Variants in FNBP1L observed in about 807,000 individuals in gnomAD.
FNBP1L encodes the protein formin-binding protein 1-like.
FNBP1L carries 36 observed loss-of-function variants against 91.2 expected under a neutral mutation model. That is an observed-to-expected ratio of 0.39 (90% CI 0.30 to 0.52). The LOEUF is 0.52. FNBP1L is among the 20% of genes least tolerant of loss of function. The pLI is 0.66. For synonymous variants in FNBP1L, 242 were observed against 237.0 expected, an observed-to-expected ratio of 1.02 and a Z score of -0.19; for missense variants, 571 against 732.1, an observed-to-expected ratio of 0.78 and a Z score of 2.54.
intron 1 of FNBP1L, among the ~76,000 whole-genome samples, chr1:93,452,232 A>G (rs997826344): frequency 1.3e-5 from 2 of 152,232 alleles, no homozygotes; most frequent in Non-Finnish European, 1.5e-5. Context: ...GCCCAATTGC[A>G]TTAATAGTTG....
intron 10 of FNBP1L, 133 bp downstream of exon 10, chr1:93,536,623 G>A: frequency 1.3e-6 from 1 of 773,382 alleles, no homozygotes; most frequent in Non-Finnish European, 1.8e-6. Context: ...ATTAAGAATA[G>A]CTGCCCTCAA....
chr1:93,541,201 T>C, intron 11 of FNBP1L, 145 bp downstream of exon 11: 1 of 713,812 alleles, frequency 1.4e-6, no homozygotes. Context: ...TAGTCCAGCA[T>C]ATGCCAGTAC....
chr1:93,448,205 G>T lies in FNBP1L; in HGVS notation c.-77G>T. Reference sequence around the variant, plus strand: ...CTGAGCTGCTAGCCCGCCGGCCAGCGAGTGAGAGGTCGGACAGACTGTGGA... The same window carrying T: ...CTGAGCTGCTAGCCCGCCGGCCAGCTAGTGAGAGGTCGGACAGACTGTGGA... On this transcript the variant is annotated 5_prime_UTR_variant, in exon 1 of 17. Coordinates refer to ENST00000271234, the MANE Select transcript of FNBP1L (RefSeq NM_001164473.3). 1 of 1,504,762 alleles carries T rather than the reference G, an allele frequency of 6.6e-7. No individual in the cohort carries two copies. Among genetic ancestry groups the T allele is most frequent in the Non-Finnish European group, 8.9e-7 (1 of 1,123,258 alleles). 93.2% of individuals were successfully genotyped at this position (1,504,762 alleles called of 1,614,324 possible).
intron 1 of FNBP1L, among the ~76,000 whole-genome samples, chr1:93,457,078 G>A (rs1322016345): frequency 2.0e-5 from 3 of 152,020 alleles, no homozygotes; most frequent in Non-Finnish European, 4.4e-5. Context: ...TGTAGAGATA[G>A]CGTTTAGCCA....
intron 2 of FNBP1L, among the ~76,000 whole-genome samples, chr1:93,514,707 C>G (rs1324712234): frequency 6.6e-6 from 1 of 151,788 alleles, no homozygotes; most frequent in Non-Finnish European, 1.5e-5. Context: ...GGAAAACTGG[C>G]TAGCCATATG....
chr1:93,500,177 A>G (rs1339019605), intron 2 of FNBP1L, among the ~76,000 whole-genome samples: 3 of 152,196 alleles, frequency 2.0e-5, no homozygotes, highest in East Asian at 1.9e-4. Context: ...AGACACCAGT[A>G]TAAAGTTTTA....
intron 14 of FNBP1L, among the ~76,000 whole-genome samples, chr1:93,547,906 C>A (rs368118271): frequency 6.6e-6 from 1 of 152,078 alleles, no homozygotes; most frequent in Non-Finnish European, 1.5e-5. Flanking sequence ...TGTATTATAT[C>A]TTTTTTTCCA....
At chr1:93,524,233 T>A (rs1228010862) in intron 4 of FNBP1L, 28 bp from the exon 5 acceptor site, 1 of 1,440,726 alleles carries the variant, frequency 6.9e-7, no homozygotes, top group Non-Finnish European at 9.1e-7. Flanking sequence ...TTATTTTTAT[T>A]TTTTTTGGCC....
chr1:93,521,449 A>T (rs980276014), intron 2 of FNBP1L, among the ~76,000 whole-genome samples: 1 of 152,178 alleles, frequency 6.6e-6, no homozygotes, highest in Non-Finnish European at 1.5e-5. Context: ...GCCCTGACTC[A>T]GTTTCACATA....
chr1:93,516,237 C>T (rs1323560941), intron 2 of FNBP1L, among the ~76,000 whole-genome samples: 2 of 152,108 alleles, frequency 1.3e-5, no homozygotes, highest in East Asian at 3.9e-4. Context: ...CTGTGGCTGG[C>T]AGTATCTACT....
At chr1:93,526,536 C>CAGAGGAA (rs1671500450) in intron 5 of FNBP1L, among the ~76,000 whole-genome samples, 1 of 152,108 alleles carries the variant, frequency 6.6e-6, no homozygotes, top group Admixed American at 6.5e-5. Flanking sequence ...AACAAATTTC[C>CAGAGGAA]TCTGGATGCC....
intron 1 of FNBP1L, among the ~76,000 whole-genome samples, chr1:93,470,463 A>T (rs1669246389): frequency 6.6e-6 from 1 of 152,160 alleles, no homozygotes; most frequent in Non-Finnish European, 1.5e-5. Context: ...TTTTCCACTA[A>T]TTGGCTCTCC....
chr1:93,535,970 G>A (rs1418653682), intron 9 of FNBP1L, among the ~76,000 whole-genome samples: 3 of 151,914 alleles, frequency 2.0e-5, no homozygotes, highest in Admixed American at 6.6e-5. Flanking sequence ...ATAACTTTAG[G>A]TGTAGCTGCC....
In FNBP1L at chr1:93,505,313, C is replaced by G. The variant is rs572230284; in HGVS notation, c.140+5730C>G. 5.9e-5 allele frequency among the ~76,000 whole-genome samples: 9 copies of G among 152,130 alleles called. No individual in the cohort carries two copies. The South Asian group carries it at 1.5e-3, about 25-fold the overall frequency. On this transcript the variant is annotated intron_variant, in intron 2 of 16. Coordinates refer to ENST00000271234, the MANE Select transcript of FNBP1L (RefSeq NM_001164473.3). Reference sequence around the variant, plus strand: ...TTACTTCCTGCAGAAAGGGTACACTCGTGCCACAAGAGTACACCGAACAAA... The same window carrying G: ...TTACTTCCTGCAGAAAGGGTACACTGGTGCCACAAGAGTACACCGAACAAA...
In FNBP1L at chr1:93,454,673, C is replaced by T. The variant is rs114267606; in HGVS notation, c.24+6368C>T. Among the ~76,000 whole-genome samples, 1,141 of 151,918 alleles carry T rather than the reference C, an allele frequency of 7.5e-3. 11 individuals carry two copies. Among genetic ancestry groups the T allele is most frequent in the African/African-American group, 0.026 (1,070 of 41,444 alleles). On this transcript the variant is annotated intron_variant, in intron 1 of 16. Transcript: ENST00000271234. ...TATCTGTGACTGTATACTGTAGGCC[C>T]TCCATATCATTTGATTTCCACGTCT...
intron 1 of FNBP1L, among the ~76,000 whole-genome samples, chr1:93,489,874 GAAAAGTC>G (rs1670039825): frequency 6.6e-6 from 1 of 152,196 alleles, no homozygotes; most frequent in African/African-American, 2.4e-5. Context: ...TAAAGAGGGA[GAAAAGTC>G]AGTTGTGTTA....
chr1:93,479,710 C>T (rs1265731060), intron 1 of FNBP1L, among the ~76,000 whole-genome samples: 1 of 152,164 alleles, frequency 6.6e-6, no homozygotes, highest in Non-Finnish European at 1.5e-5. Flanking sequence ...AGGTTCTCTG[C>T]AAGAAGAAAA....
At chr1:93,516,913 C>G (rs549724550) in intron 2 of FNBP1L, among the ~76,000 whole-genome samples, 1 of 152,258 alleles carries the variant, frequency 6.6e-6, no homozygotes, top group East Asian at 1.9e-4. Flanking sequence ...CTGGTAATTG[C>G]TAAATTCCAT....
chr1:93,540,600 T>C (rs1672005708), intron 10 of FNBP1L, among the ~76,000 whole-genome samples: 1 of 152,132 alleles, frequency 6.6e-6, no homozygotes, highest in African/African-American at 2.4e-5. Context: ...TAGTGTTTTC[T>C]TTAACACACT....
Sources: allele counts gnomAD v4.1 joint callset (sites outside exome capture counted in the v4.1 genomes callset), GRCh38; gene constraint gnomAD v4.1.1; transcripts MANE v1.5; gene names NCBI Gene and HGNC (gene_info 2026-07-23, HGNC 2026-07-21).